CFH: variants seen among roughly 807,000 people sequenced by gnomAD.
The protein encoded by CFH is complement factor H.
A neutral mutation model predicts 147.3 loss-of-function variants in CFH; 53 were observed. That is an observed-to-expected ratio of 0.36 (90% CI 0.29 to 0.45). The LOEUF (loss-of-function observed/expected upper bound fraction) is 0.45, where lower values mean the gene tolerates loss of function less well. Ranked by LOEUF, CFH falls within the 20% of genes least tolerant of loss-of-function variation. The pLI, the probability that CFH is intolerant of heterozygous loss-of-function variation, is 1.00. For synonymous variants in CFH, 536 were observed against 489.4 expected, an observed-to-expected ratio of 1.10 and a Z score of -1.26; for missense variants, 1,380 against 1,498.0, an observed-to-expected ratio of 0.92 and a Z score of 1.30.
chr1:196,687,239 T>C (rs1667859313), intron 7 of CFH, among the ~76,000 whole-genome samples: 1 of 152,076 alleles, frequency 6.6e-6, no homozygotes, highest in African/African-American at 2.4e-5. Context: ...CCATAAATGC[T>C]GTGAAACCAA....
intron 1 of CFH, among the ~76,000 whole-genome samples, chr1:196,662,792 G>T (rs1233905024): frequency 3.3e-5 from 5 of 151,926 alleles, no homozygotes; most frequent in African/African-American, 9.7e-5. Flanking sequence ...TGAGGCAGGG[G>T]ACCACTTGAG....
rs553471643 is a variant in CFH at position 196,740,782 on chromosome 1, A to G, written c.2946A>G (p.Pro982=). 471 of 1,613,992 alleles carry G rather than the reference A, an allele frequency of 2.9e-4. 7 individuals are homozygous for G. In the South Asian group the frequency reaches 5.0e-3, roughly 17 times the overall value. The change falls in exon 18 of 22, where the codon CCA becomes CCG. Residue 982 remains proline (P), a synonymous_variant. Transcript: ENST00000367429. ...TAGGAGAAAAATGGTCTCACCCTCCATCATGCATAAGTATGGTGCATTGAA... is the reference window on the plus strand; with the variant it reads ...TAGGAGAAAAATGGTCTCACCCTCCGTCATGCATAAGTATGGTGCATTGAA... The part of the protein sequence containing the change: ...KCLGEKWSHP[P]SCIKTDCLSL...
intron 18 of CFH, 105 bp from the exon 19 acceptor site, chr1:196,741,770 G>A (rs750256895): frequency 3.0e-6 from 3 of 1,009,208 alleles, no homozygotes; most frequent in Non-Finnish European, 4.6e-6. Flanking sequence ...ATGTTGTACA[G>A]TATTCATTGA....
At chr1:196,677,896 A>G (rs1206280648) in intron 5 of CFH, 1 of 492,632 alleles carries the variant, frequency 2.0e-6, no homozygotes, top group African/African-American at 1.9e-5. Context: ...AATGGAAGAG[A>G]CTGGTGCAAA....
intron 15 of CFH, among the ~76,000 whole-genome samples, chr1:196,729,914 T>G (rs10801558): frequency 0.46 from 69,635 of 151,590 alleles, 16,317 homozygotes; most frequent in South Asian, 0.56. Context: ...TTGTATTTTT[T>G]TGATATCAGT....
chr1:196,720,567 A>G (rs1158077757), intron 11 of CFH, among the ~76,000 whole-genome samples: 1 of 152,000 alleles, frequency 6.6e-6, no homozygotes, highest in Non-Finnish European at 1.5e-5. Flanking sequence ...TATTTTACCT[A>G]AAATAATGGC....
intron 5 of CFH, 115 bp from the exon 6 acceptor site, chr1:196,679,508 T>C (rs1274570309): frequency 1.3e-6 from 1 of 741,070 alleles, no homozygotes; most frequent in Non-Finnish European, 2.3e-6. Flanking sequence ...AGAACTTTTG[T>C]TTGGTTGACT....
intron 3 of CFH, among the ~76,000 whole-genome samples, chr1:196,674,274 G>C (rs997852658): frequency 6.6e-6 from 1 of 152,096 alleles, no homozygotes; most frequent in Non-Finnish European, 1.5e-5. Context: ...AGAGTATCAT[G>C]GGAGTTCAAT....
chr1:196,656,033 T>C (rs1666674271), intron 1 of CFH, among the ~76,000 whole-genome samples: 1 of 152,170 alleles, frequency 6.6e-6, no homozygotes, highest in South Asian at 2.1e-4. Context: ...AGGCCGGGCA[T>C]GGTGGCTCAC....
In CFH at chr1:196,743,420, T is replaced by C. The variant is rs777956728; in HGVS notation, c.3134-32T>C. Reference sequence around the variant, plus strand: ...TTGATTTGCTACTCAAAATGAACACTAGGTGGAACCACTTCTTTTTTTTCT... The same window carrying C: ...TTGATTTGCTACTCAAAATGAACACCAGGTGGAACCACTTCTTTTTTTTCT... On this transcript the variant is annotated intron_variant, in intron 19 of 21. Transcript: ENST00000367429. 8.7e-6 allele frequency: 14 copies of C among 1,613,416 alleles called. No individual in the cohort carries two copies. In the East Asian group the frequency reaches 1.6e-4, roughly 18 times the overall value.
chr1:196,722,581 C>T (rs1669027252), intron 11 of CFH, among the ~76,000 whole-genome samples: 1 of 152,108 alleles, frequency 6.6e-6, no homozygotes, highest in Admixed American at 6.5e-5. Context: ...GTTCATCTCG[C>T]AATGCATCTT....
Position 196,736,846 on chromosome 1 carries a change from A to C in CFH, c.2436A>C (p.Pro812=), listed in dbSNP as rs777939257. Residue 812 remains proline (P), a synonymous_variant, in exon 16 of 22, where the codon CCA becomes CCC. Transcript: ENST00000367429. Reference sequence around the variant, plus strand: ...TAGTGGCACAAATACAATTATGCCCACCTCCACCTCAGATTCCCAATTCTC... The same window carrying C: ...TAGTGGCACAAATACAATTATGCCCCCCTCCACCTCAGATTCCCAATTCTC... The part of the protein sequence containing the change: ...NCSMAQIQLC[P]PPPQIPNSHN... 6.6e-7 allele frequency: 1 copy of C among 1,522,284 alleles called. No homozygotes were observed. The highest frequency in any genetic ancestry group is 1.4e-5 in the South Asian group (1 of 72,656). The allele number at this position is 1,522,284 out of a possible 1,614,324, so 94.3% of individuals were successfully genotyped here.
At position 196,692,049 on chromosome 1, in the gene CFH, C is replaced by T. The variant is rs572651925; in HGVS notation, c.1336+1810C>T. Among the ~76,000 whole-genome samples the T allele has an allele frequency of 3.9e-5, 6 of 152,084 alleles. No individual in the cohort carries two copies. The East Asian group carries it at 1.2e-3, about 30-fold the overall frequency. The stretch of plus-strand genomic sequence containing the variant: ...TACATTGTGTGTGTATACACACACA[C>T]AATAACTATTACTCTGAGTATTCTG... On this transcript the variant is annotated intron_variant, in intron 9 of 21. Coordinates refer to ENST00000367429, the MANE Select transcript of CFH (RefSeq NM_000186.4).
At chr1:196,729,347 A>G (rs1004051592) in intron 15 of CFH, among the ~76,000 whole-genome samples, 1 of 152,104 alleles carries the variant, frequency 6.6e-6, no homozygotes, top group Non-Finnish European at 1.5e-5. Context: ...ATTTATTAAA[A>G]TGATCGTATA....
chr1:196,668,509 T>G (rs1667172681), intron 1 of CFH, among the ~76,000 whole-genome samples: 1 of 152,190 alleles, frequency 6.6e-6, no homozygotes, highest in South Asian at 2.1e-4. Flanking sequence ...AAATCTCATC[T>G]TAAATTATAA....
At chr1:196,699,107 T>A (rs1488859439) in intron 9 of CFH, among the ~76,000 whole-genome samples, 2 of 152,162 alleles carry the variant, frequency 1.3e-5, no homozygotes, top group Non-Finnish European at 2.9e-5. Flanking sequence ...ATACTAAATA[T>A]GTGTTCATTT....
intron 7 of CFH, among the ~76,000 whole-genome samples, chr1:196,686,008 G>A (rs555270887): frequency 5.3e-5 from 8 of 152,204 alleles, no homozygotes; most frequent in African/African-American, 1.9e-4. Context: ...CATGGTGGAA[G>A]GTGAAGGGGA....
intron 11 of CFH, among the ~76,000 whole-genome samples, chr1:196,718,302 G>A (rs1292033330): frequency 6.6e-6 from 1 of 152,010 alleles, no homozygotes; most frequent in Non-Finnish European, 1.5e-5. Context: ...CAGAGAAATA[G>A]AAAATCCAAT....
At chr1:196,673,283 C>A in intron 2 of CFH, 120 bp downstream of exon 2, 1 of 985,176 alleles carries the variant, frequency 1.0e-6, no homozygotes, top group Non-Finnish European at 1.5e-6. Flanking sequence ...CAAAATAATA[C>A]ATAATCTTTT....
Sources: allele counts gnomAD v4.1 joint callset (sites outside exome capture counted in the v4.1 genomes callset), GRCh38; gene constraint gnomAD v4.1.1; transcripts MANE v1.5; gene names NCBI Gene and HGNC (gene_info 2026-07-23, HGNC 2026-07-21).